The following SYNPO2 variants were observed in gnomAD, a reference collection of about 807,000 sequenced individuals.
SYNPO2 encodes the protein synaptopodin 2, also known as synaptopodin-2.
SYNPO2 carries 56 observed loss-of-function variants against 85.0 expected under a neutral mutation model. The observed-to-expected ratio is 0.66, with a 90% confidence interval of 0.53 to 0.82. The LOEUF is 0.82. SYNPO2 is among the 40% of genes least tolerant of loss of function. SYNPO2 has a pLI of 0.00. For missense variants in SYNPO2, 1,575 were observed against 1,534.2 expected (o/e 1.03, Z -0.44); for synonymous variants, 602 against 591.1 (o/e 1.02, Z -0.27).
At chr4:119,036,296 T>C (rs1738507829) in intron 4 of SYNPO2, 3 of 985,278 alleles carry the variant, frequency 3.0e-6, no homozygotes, top group South Asian at 9.4e-5. Flanking sequence ...AGTTTGTTTT[T>C]AAACATTTTT....
intron 1 of SYNPO2, among the ~76,000 whole-genome samples, chr4:118,898,184 C>T (rs1045841067): frequency 6.6e-6 from 1 of 152,070 alleles, no homozygotes; most frequent in African/African-American, 2.4e-5. Context: ...CAGTTCAAGA[C>T]ATATCAGAGG....
Position 119,047,818 on chromosome 4 carries a change from T to C in SYNPO2, c.3253-9583T>C, listed in dbSNP as rs549969573. On this transcript the variant is annotated intron_variant, in intron 4 of 4. Transcript: ENST00000307142. Reference sequence around the variant, plus strand: ...ATTTTCACTGAGGGCTCATTAGAGCTGGGAGGGACTCTAGGAGATTAGTTA... The same window carrying C: ...ATTTTCACTGAGGGCTCATTAGAGCCGGGAGGGACTCTAGGAGATTAGTTA... Among the ~76,000 whole-genome samples, 18 of 152,336 alleles carry C rather than the reference T, an allele frequency of 1.2e-4. No individual in the cohort carries two copies. In the South Asian group the frequency reaches 3.1e-3, roughly 26 times the overall value.
intron 1 of SYNPO2, among the ~76,000 whole-genome samples, chr4:118,891,712 T>G (rs1732385514): frequency 6.6e-6 from 1 of 152,170 alleles, no homozygotes; most frequent in Non-Finnish European, 1.5e-5. Context: ...TAAGGACTGG[T>G]GATAGCTTAT....
At chr4:118,898,519 T>G (rs188914545) in intron 1 of SYNPO2, among the ~76,000 whole-genome samples, 2 of 152,370 alleles carry the variant, frequency 1.3e-5, no homozygotes, top group African/African-American at 4.8e-5. Flanking sequence ...TTTTATCTTA[T>G]GTGCAGACAT....
At chr4:118,858,361 C>A (rs972293671) in intron 1 of SYNPO2, among the ~76,000 whole-genome samples, 2 of 152,146 alleles carry the variant, frequency 1.3e-5, no homozygotes, top group Non-Finnish European at 2.9e-5. Flanking sequence ...TTAAAGGGAA[C>A]TTTCAACACT....
At chr4:118,977,256 G>A (rs1735811111) in intron 1 of SYNPO2, among the ~76,000 whole-genome samples, 1 of 152,196 alleles carries the variant, frequency 6.6e-6, no homozygotes, top group Non-Finnish European at 1.5e-5. Flanking sequence ...CAGCACTGCT[G>A]GGGGACTCAG....
At chr4:118,988,278 A>G (rs779147241) in intron 1 of SYNPO2, among the ~76,000 whole-genome samples, 1 of 149,790 alleles carries the variant, frequency 6.7e-6, no homozygotes, top group Non-Finnish European at 1.5e-5. Context: ...AATATTGTAC[A>G]CTGTCATGTT....
chr4:119,034,691 G>C (rs12646958), intron 4 of SYNPO2: 215,703 of 985,374 alleles, frequency 0.22, 24,535 homozygotes, highest in East Asian at 0.44. Flanking sequence ...GAGGGAGATG[G>C]GAAGTGGGAG....
At chr4:119,037,045 C>A in intron 4 of SYNPO2, 1 of 1,447,278 alleles carries the variant, frequency 6.9e-7, no homozygotes. Context: ...ATGTAAAGCT[C>A]CTTGTGTTTA....
chr4:118,922,874 A>G (rs1733585506), intron 1 of SYNPO2, among the ~76,000 whole-genome samples: 1 of 152,184 alleles, frequency 6.6e-6, no homozygotes, highest in Non-Finnish European at 1.5e-5. Flanking sequence ...TTAAAAAATA[A>G]AATCTTTTTA....
chr4:118,936,270 A>G (rs528043068), intron 1 of SYNPO2, among the ~76,000 whole-genome samples: 11 of 152,238 alleles, frequency 7.2e-5, no homozygotes, highest in South Asian at 2.1e-4. Flanking sequence ...TTTCTCAAAC[A>G]TATCTCCATC....
At chr4:118,872,997 A>G (rs1323570929) in intron 1 of SYNPO2, among the ~76,000 whole-genome samples, 1 of 152,132 alleles carries the variant, frequency 6.6e-6, no homozygotes, top group Non-Finnish European at 1.5e-5. Context: ...TAAAAGACAT[A>G]ATTTCACTTG....
chr4:118,961,106 C>A (rs1285410162), intron 1 of SYNPO2, among the ~76,000 whole-genome samples: 1 of 117,282 alleles, frequency 8.5e-6, no homozygotes, highest in African/African-American at 3.3e-5. Context: ...ACCGCCCCCC[C>A]CCCACCCCTC....
intron 1 of SYNPO2, among the ~76,000 whole-genome samples, chr4:119,015,487 C>T (rs989107547): frequency 6.4e-4 from 98 of 151,988 alleles, no homozygotes; most frequent in African/African-American, 2.3e-3. Flanking sequence ...TTGTTGGGTA[C>T]ATGAGATGTT....
chr4:118,891,140 A>G (rs1214287688), intron 1 of SYNPO2, among the ~76,000 whole-genome samples: 1 of 152,206 alleles, frequency 6.6e-6, no homozygotes, highest in Admixed American at 6.5e-5. Context: ...AGGCTATGTC[A>G]GAATCCAGTC....
At position 118,883,567 on chromosome 4, in the gene SYNPO2, T is replaced by C. The variant is rs576904441; in HGVS notation, c.12+32627T>C. ...TTAAATAAATAATCACTTGAGTGAA[T>C]GAATAAATGGTAGTATAAAATAAAG... is the stretch of plus-strand genomic sequence containing the variant. On this transcript the variant is annotated intron_variant, in intron 1 of 4. Coordinates refer to the SYNPO2 transcript ENST00000610556. Among the ~76,000 whole-genome samples, 16 of 152,348 alleles carry C rather than the reference T, an allele frequency of 1.1e-4. No individual in the cohort carries two copies. The South Asian group carries it at 3.1e-3, about 30-fold the overall frequency.
intron 1 of SYNPO2, among the ~76,000 whole-genome samples, chr4:118,894,195 G>A (rs1432460379): frequency 3.3e-5 from 5 of 151,948 alleles, no homozygotes; most frequent in Non-Finnish European, 7.4e-5. Context: ...GGGCTTGACG[G>A]GTGGTGGCAC....
intron 1 of SYNPO2, among the ~76,000 whole-genome samples, chr4:119,009,122 A>C (rs1437148978): frequency 1.3e-5 from 2 of 152,246 alleles, no homozygotes; most frequent in African/African-American, 4.8e-5. Flanking sequence ...TTGTACATCT[A>C]GCACAAATAT....
At chr4:118,867,783 A>C (rs1731727000) in intron 1 of SYNPO2, among the ~76,000 whole-genome samples, 1 of 152,172 alleles carries the variant, frequency 6.6e-6, no homozygotes, top group Admixed American at 6.5e-5. Flanking sequence ...CACTATTCTT[A>C]GTAGAAAGCA....
Sources: allele counts gnomAD v4.1 joint callset (sites outside exome capture counted in the v4.1 genomes callset), GRCh38; gene constraint gnomAD v4.1.1; transcripts MANE v1.5; gene names NCBI Gene and HGNC (gene_info 2026-07-23, HGNC 2026-07-21).